Variants in RTN4 observed in about 807,000 individuals in gnomAD.
The protein encoded by RTN4 is reticulon-4.
RTN4 carries 32 observed loss-of-function variants against 90.4 expected under a neutral mutation model. The ratio of observed to expected loss-of-function variants is 0.35; its 90% CI spans 0.27 to 0.48. The LOEUF (loss-of-function observed/expected upper bound fraction) is 0.48. Among genes scored for constraint, RTN4 ranks in the 20% least tolerant of loss-of-function variants. The probability of loss-of-function intolerance (pLI) is 0.99; values close to 1 mark genes in which losing one functional copy is unlikely to be tolerated. For missense variants in RTN4, 1,706 were observed against 1,430.2 expected (o/e 1.19, Z -3.11); for synonymous variants, 629 against 552.5 (o/e 1.14, Z -1.94).
chr2:55,007,292 C>A (rs1168040853), intron 3 of RTN4, among the ~76,000 whole-genome samples: 1 of 152,092 alleles, frequency 6.6e-6, no homozygotes, highest in Non-Finnish European at 1.5e-5. Flanking sequence ...TAAATCTGGG[C>A]ACAACTACAG....
intron 2 of RTN4, among the ~76,000 whole-genome samples, chr2:55,074,957 C>T (rs1025251501): frequency 1.3e-5 from 2 of 152,142 alleles, no homozygotes; most frequent in African/African-American, 2.4e-5. Context: ...TATGACAAAC[C>T]CACAGCTAAC....
chr2:55,093,346 T>C (rs1668973715), intron 1 of RTN4, among the ~76,000 whole-genome samples: 1 of 151,010 alleles, frequency 6.6e-6, no homozygotes, highest in Middle Eastern at 3.5e-3. Context: ...TACAAACACA[T>C]AAACATATGT....
At position 55,092,243 on chromosome 2, in the gene RTN4, T is replaced by C. The variant is rs377082339; in HGVS notation, c.-213-11604A>G. 1.2e-3 allele frequency among the ~76,000 whole-genome samples: 177 copies of C among 151,426 alleles called. 1 individual carries two copies. The highest frequency in any genetic ancestry group is 3.4e-3 in the Middle Eastern group (1 of 294). On this transcript the variant is annotated intron_variant, in intron 1 of 3. Coordinates refer to the RTN4 transcript ENST00000427710. The stretch of plus-strand genomic sequence containing the variant: ...GAGAGATTTTTTTTTCTTTTCTTTT[T>C]TTTTTTTTCGAGTTGGAGTTTCCCT...
At chr2:55,043,775 A>T (rs1683228562) in intron 1 of RTN4, among the ~76,000 whole-genome samples, 3 of 152,000 alleles carry the variant, frequency 2.0e-5, no homozygotes, top group Admixed American at 2.0e-4. Flanking sequence ...GGTCCCAGCT[A>T]CTCGGGAGGC....
intron 1 of RTN4, among the ~76,000 whole-genome samples, chr2:55,042,135 T>C (rs1435376069): frequency 6.6e-6 from 1 of 152,124 alleles, no homozygotes; most frequent in Non-Finnish European, 1.5e-5. Context: ...AGTTCACTAA[T>C]ATACTGTGTT....
At chr2:54,986,953 T>C (rs990529056) in intron 4 of RTN4, among the ~76,000 whole-genome samples, 3 of 152,146 alleles carry the variant, frequency 2.0e-5, no homozygotes, top group Non-Finnish European at 4.4e-5. Context: ...TGCTATAGTA[T>C]ACTTGTGAAA....
At chr2:55,108,907 G>C (rs1297036723) in intron 1 of RTN4, among the ~76,000 whole-genome samples, 2 of 152,066 alleles carry the variant, frequency 1.3e-5, no homozygotes, top group Non-Finnish European at 2.9e-5. Flanking sequence ...CAGGAGCTCT[G>C]TGCTAAACAC....
chr2:55,029,650 T>C (rs965293511), intron 1 of RTN4, among the ~76,000 whole-genome samples: 1 of 152,142 alleles, frequency 6.6e-6, no homozygotes, highest in Non-Finnish European at 1.5e-5. Context: ...AGAGCTAACT[T>C]CACAAGGTCT....
chr2:55,059,705 G>A (rs1161177247), intron 2 of RTN4, among the ~76,000 whole-genome samples: 1 of 151,944 alleles, frequency 6.6e-6, no homozygotes, highest in African/African-American at 2.4e-5. Flanking sequence ...GTCATGGCAG[G>A]TGCCTGTAAT....
upstream of RTN4, among the ~76,000 whole-genome samples, chr2:55,054,155 G>C (rs1451216805): frequency 7.2e-5 from 11 of 152,104 alleles, no homozygotes; most frequent in Non-Finnish European, 1.3e-4. Context: ...TGATGTTTCA[G>C]TCTCTTTTAA....
chr2:55,113,048 C>T (rs973111793), upstream of RTN4, among the ~76,000 whole-genome samples: 10 of 152,138 alleles, frequency 6.6e-5, no homozygotes, highest in African/African-American at 2.4e-4. Flanking sequence ...GATAGAAGGC[C>T]CTGGCCACAC....
upstream of RTN4, among the ~76,000 whole-genome samples, chr2:55,115,407 T>A (rs2105072095): frequency 6.6e-6 from 1 of 152,348 alleles, no homozygotes; most frequent in Non-Finnish European, 1.5e-5. Context: ...CTCCTGCTTC[T>A]CTCATTCTCT....
At chr2:55,043,988 G>A (rs1441389732) in intron 1 of RTN4, among the ~76,000 whole-genome samples, 2 of 151,904 alleles carry the variant, frequency 1.3e-5, no homozygotes, top group Non-Finnish European at 2.9e-5. Flanking sequence ...TTGACCTCAG[G>A]AATTTGAGCC....
the RTN4 span, among the ~76,000 whole-genome samples, chr2:55,135,797 T>C: frequency 3.9e-5 from 6 of 152,244 alleles, no homozygotes; most frequent in African/African-American, 1.4e-4. Context: ...GCTAGAATTT[T>C]ATGTGAATAA....
intron 5 of RTN4, among the ~76,000 whole-genome samples, chr2:54,976,510 G>A (rs1262240858): frequency 6.6e-6 from 1 of 152,220 alleles, no homozygotes; most frequent in Non-Finnish European, 1.5e-5. Flanking sequence ...TCCATACGCT[G>A]TGGCCATGCA....
At chr2:55,133,437 AAAGGT>A in the RTN4 span, among the ~76,000 whole-genome samples, 2 of 152,146 alleles carry the variant, frequency 1.3e-5, no homozygotes, top group African/African-American at 4.8e-5. Context: ...AAATTGTCAG[AAAGGT>A]ATAAATCTAC....
At chr2:54,976,828 G>A (rs1359059444) in intron 5 of RTN4, among the ~76,000 whole-genome samples, 1 of 152,170 alleles carries the variant, frequency 6.6e-6, no homozygotes, top group Non-Finnish European at 1.5e-5. Flanking sequence ...AATTCTACAC[G>A]ATTCCATGGC....
chr2:55,125,015 G>C, the RTN4 span, among the ~76,000 whole-genome samples: 4 of 152,060 alleles, frequency 2.6e-5, no homozygotes, highest in African/African-American at 7.2e-5. Flanking sequence ...AGCCATATGC[G>C]GAAGATTGAA....
intron 1 of RTN4, among the ~76,000 whole-genome samples, chr2:55,100,693 T>C (rs1012913870): frequency 3.9e-5 from 6 of 152,174 alleles, no homozygotes; most frequent in African/African-American, 1.4e-4. Context: ...TTTGTTTATC[T>C]GCAATTTTAT....
Sources: gnomAD v4.1 joint callset for allele counts (sites outside exome capture counted in the v4.1 genomes callset) on GRCh38, gnomAD v4.1.1 for gene constraint, MANE v1.5 for transcripts, NCBI Gene and HGNC (gene_info 2026-07-23, HGNC 2026-07-21) for gene names.